Variants in ANKRD27 observed in about 807,000 individuals in gnomAD.
The protein encoded by ANKRD27 is ankyrin repeat domain 27, also known as ankyrin repeat domain-containing protein 27.
ANKRD27 carries 112 observed loss-of-function variants against 129.7 expected under a neutral mutation model. The observed-to-expected ratio is 0.86, with a 90% CI of 0.74 to 1.01. The LOEUF is 1.01. Ranked by LOEUF, ANKRD27 falls within the 50% of genes least tolerant of loss-of-function variation. The pLI is 0.00. For missense variants in ANKRD27, 1,258 were observed against 1,300.5 expected, an observed-to-expected ratio of 0.97 and a Z score of 0.50; for synonymous variants, 516 against 511.2, an observed-to-expected ratio of 1.01 and a Z score of -0.13.
At chr19:32,653,282 A>G (rs1318619253) in intron 2 of ANKRD27, among the ~76,000 whole-genome samples, 2 of 152,192 alleles carry the variant, frequency 1.3e-5, no homozygotes, top group Non-Finnish European at 2.9e-5. Context: ...GGCTTAGAAG[A>G]CATGCTGCTA....
chr19:32,664,038 A>C (rs1191017341), intron 1 of ANKRD27, among the ~76,000 whole-genome samples: 1 of 129,730 alleles, frequency 7.7e-6, no homozygotes. Context: ...CCTGGGCGAC[A>C]GAGCGAGACT....
At chr19:32,609,680 G>A (rs1367586059) in intron 22 of ANKRD27, among the ~76,000 whole-genome samples, 6 of 139,476 alleles carry the variant, frequency 4.3e-5, no homozygotes, top group Non-Finnish European at 7.8e-5. Context: ...TAGTGGGGGG[G>A]AAGGCAAAAT....
At chr19:32,612,474 C>G (rs1971849162) in intron 22 of ANKRD27, among the ~76,000 whole-genome samples, 1 of 152,230 alleles carries the variant, frequency 6.6e-6, no homozygotes, top group Non-Finnish European at 1.5e-5. Context: ...ATTTACATGG[C>G]AAGGCACAGG....
intron 17 of ANKRD27, among the ~76,000 whole-genome samples, chr19:32,624,473 C>T (rs1251399292): frequency 6.6e-6 from 1 of 152,114 alleles, no homozygotes; most frequent in Non-Finnish European, 1.5e-5. Flanking sequence ...GCATACAGGG[C>T]ATGGTGTCAT....
At chr19:32,641,813 G>A (rs1382995658) in intron 10 of ANKRD27, among the ~76,000 whole-genome samples, 1 of 142,394 alleles carries the variant, frequency 7.0e-6, no homozygotes, top group Non-Finnish European at 1.5e-5. Flanking sequence ...TATCACCCAG[G>A]CTGTAGTGCA....
At chr19:32,621,207 C>A (rs1249860028) in intron 18 of ANKRD27, among the ~76,000 whole-genome samples, 1 of 152,112 alleles carries the variant, frequency 6.6e-6, no homozygotes, top group African/African-American at 2.4e-5. Context: ...GCTGGCCAGG[C>A]GCAGTGGCTC....
chr19:32,635,848 A>C (rs1967078413), intron 12 of ANKRD27, among the ~76,000 whole-genome samples: 1 of 152,192 alleles, frequency 6.6e-6, no homozygotes, highest in African/African-American at 2.4e-5. Flanking sequence ...TTTTGGTTAA[A>C]AAGATAACTG....
chr19:32,666,683 T>C (rs942726764), intron 1 of ANKRD27, among the ~76,000 whole-genome samples: 12 of 143,962 alleles, frequency 8.3e-5, no homozygotes, highest in African/African-American at 3.1e-4. Flanking sequence ...CTCACTCTGT[T>C]GCCCAGGCTG....
intron 1 of ANKRD27, among the ~76,000 whole-genome samples, chr19:32,671,428 T>C (rs1967868412): frequency 1.3e-5 from 2 of 152,360 alleles, no homozygotes; most frequent in South Asian, 4.1e-4. Context: ...CTGGGCACAG[T>C]GGCTCACACC....
chr19:32,656,103 GAAAGAAAA>G (rs1831087853), intron 2 of ANKRD27, among the ~76,000 whole-genome samples: 1 of 123,702 alleles, frequency 8.1e-6, no homozygotes, highest in African/African-American at 3.4e-5. Context: ...AAGAAAGAAA[GAAAGAAAA>G]GAAAAGAAAA....
At chr19:32,640,662 G>A (rs1967182169) in intron 10 of ANKRD27, among the ~76,000 whole-genome samples, 1 of 152,186 alleles carries the variant, frequency 6.6e-6, no homozygotes, top group Non-Finnish European at 1.5e-5. Flanking sequence ...AGTGCTTTGG[G>A]AGGCCGAGAC....
chr19:32,619,324 G>T lies in ANKRD27; in HGVS notation c.1943C>A (p.Thr648Asn). ...SVDSISQESSTSSFSSMSASS... is the reference protein window; with the variant it reads ...SVDSISQESSNSSFSSMSASS... ...GGCTGACATGGAGGAGAAGCTGGAA[G>T]TGGAGGACTCTTGGCTGATGGAGTC... The change falls in exon 20 of 29, where the codon ACT becomes AAT. Residue 648 changes from threonine to asparagine, a missense_variant. Thr to Asn is a moderately conservative substitution (Grantham distance 65, BLOSUM62 0). Coordinates refer to ENST00000306065, the MANE Select transcript of ANKRD27 (RefSeq NM_032139.3). The T allele has an allele frequency of 1.2e-6, 2 of 1,614,012 alleles. No homozygotes were observed. Among genetic ancestry groups the T allele is most frequent in the East Asian group, 4.5e-5 (2 of 44,868 alleles).
chr19:32,661,812 G>T (rs1046849236), intron 1 of ANKRD27, among the ~76,000 whole-genome samples: 3 of 151,994 alleles, frequency 2.0e-5, no homozygotes, highest in African/African-American at 7.3e-5. Flanking sequence ...CTGTGAATAT[G>T]GTATTTTCAA....
intron 2 of ANKRD27, among the ~76,000 whole-genome samples, chr19:32,657,569 G>C (rs1242448905): frequency 6.6e-6 from 1 of 151,598 alleles, no homozygotes; most frequent in Non-Finnish European, 1.5e-5. Flanking sequence ...GTTGCAGAGA[G>C]TCGAGATTGC....
intron 2 of ANKRD27, among the ~76,000 whole-genome samples, chr19:32,652,656 G>C (rs1301654384): frequency 6.6e-6 from 1 of 152,040 alleles, no homozygotes; most frequent in Non-Finnish European, 1.5e-5. Context: ...AGACAGGTGA[G>C]GTGGCTCACG....
At chr19:32,609,996 C>T (rs1288755019) in intron 22 of ANKRD27, among the ~76,000 whole-genome samples, 1 of 151,390 alleles carries the variant, frequency 6.6e-6, no homozygotes, top group African/African-American at 2.4e-5. Flanking sequence ...GACAACACAG[C>T]CAAGACCCTG....
At chr19:32,650,751 TTTA>T (rs747513957) in intron 2 of ANKRD27, among the ~76,000 whole-genome samples, 2 of 34,302 alleles carry the variant, frequency 5.8e-5, no homozygotes, top group South Asian at 7.0e-4. Flanking sequence ...TACGCTTTTA[TTTA>T]TTTTTTTTTT....
At chr19:32,618,097 G>A (rs8100423) in intron 20 of ANKRD27, among the ~76,000 whole-genome samples, 80,748 of 151,570 alleles carry the variant, frequency 0.53, 21,909 homozygotes, top group Non-Finnish European at 0.57. Context: ...AACTGCTCAG[G>A]GAGGGCATCC....
intron 22 of ANKRD27, among the ~76,000 whole-genome samples, chr19:32,608,757 T>C (rs1971789629): frequency 1.3e-5 from 2 of 152,014 alleles, no homozygotes; most frequent in Non-Finnish European, 2.9e-5. Flanking sequence ...TTCTAGACCA[T>C]CCTGGCCAAC....
Sources: gnomAD v4.1 joint callset for allele counts (sites outside exome capture counted in the v4.1 genomes callset) on GRCh38, gnomAD v4.1.1 for gene constraint, MANE v1.5 for transcripts, NCBI Gene and HGNC (gene_info 2026-07-23, HGNC 2026-07-21) for gene names.